The following NLRP5 variants were observed in gnomAD, a reference collection of about 807,000 sequenced individuals.
NLRP5 encodes NACHT, LRR and PYD domains-containing protein 5.
NLRP5 carries 93 observed loss-of-function variants against 113.1 expected under a neutral mutation model. The observed-to-expected ratio is 0.82, with a 90% confidence interval of 0.70 to 0.98. NLRP5 has a LOEUF of 0.98. Among genes scored for constraint, NLRP5 ranks in the 50% least tolerant of loss-of-function variants. The pLI, the probability that NLRP5 is intolerant of heterozygous loss-of-function variation, is 0.00. For synonymous variants in NLRP5, 751 were observed against 600.7 expected (o/e 1.25, Z -3.66); for missense variants, 1,808 against 1,514.3 (o/e 1.19, Z -3.22).
chr19:56,054,163 G>C (rs2123340217), intron 13 of NLRP5, among the ~76,000 whole-genome samples: 1 of 152,320 alleles, frequency 6.6e-6, no homozygotes, highest in African/African-American at 2.4e-5. Context: ...CAGAAAGCAA[G>C]TGATTACCTG....
chr19:56,028,005 G>T lies in NLRP5; in HGVS notation c.1772G>T (p.Cys591Phe). 1 of 1,613,982 alleles carries T rather than the reference G, an allele frequency of 6.2e-7. No individual in the cohort carries two copies. Among genetic ancestry groups the T allele is most frequent in the Non-Finnish European group, 8.5e-7 (1 of 1,179,882 alleles). The stretch of plus-strand genomic sequence containing the variant: ...TTCCACCTCAGTCTCCAGGACTTCT[G>T]TGCCGCCTTGTACTACGTGTTAGAG... Residue 591 changes from cysteine to phenylalanine, a missense_variant, in exon 7 of 15, where the codon TGT becomes TTT. Coordinates refer to ENST00000390649, the MANE Select transcript of NLRP5 (RefSeq NM_153447.4).
At chr19:56,013,596 G>GTTTTTTTTTGTTTTTTTTTTTTTT (rs1555765384) in intron 3 of NLRP5, among the ~76,000 whole-genome samples, 1 of 59,284 alleles carries the variant, frequency 1.7e-5, no homozygotes, top group African/African-American at 8.7e-5. Flanking sequence ...GGACATTTGG[G>GTTTTTTTTTGTTTTTTTTTTTTTT]TTTTTTTTTT....
intron 2 of NLRP5, among the ~76,000 whole-genome samples, chr19:56,007,246 C>G (rs1981957807): frequency 6.6e-6 from 1 of 151,084 alleles, no homozygotes; most frequent in Non-Finnish European, 1.5e-5. Context: ...CACCTGTAAT[C>G]CCAGCTACTA....
chr19:56,027,842 G>C lies in NLRP5; in HGVS notation c.1609G>C (p.Glu537Gln). ...GAAGCGCTTCTGCCGTATGGCTGTG[G>C]AGGGAGTGTGGAATAGGAAGTCAGT... Residue 537 changes from glutamate (E) to glutamine (Q), a missense_variant, in exon 7 of 15, where the codon GAG (glutamate) becomes CAG (glutamine). Transcript: ENST00000390649. 1.2e-6 allele frequency: 2 copies of C among 1,614,004 alleles called. No individual in the cohort carries two copies. Among genetic ancestry groups the C allele is most frequent in the Non-Finnish European group, 1.7e-6 (2 of 1,179,890 alleles).
chr19:56,019,689 T>G (rs1269953181), intron 5 of NLRP5, among the ~76,000 whole-genome samples: 3 of 152,154 alleles, frequency 2.0e-5, no homozygotes, highest in Admixed American at 6.5e-5. Context: ...GTTAAACATA[T>G]GGCCAAGAGT....
In NLRP5 at chr19:56,027,473, A is replaced by G. The variant is rs377300609; in HGVS notation, c.1240A>G (p.Thr414Ala). ...GATCGTCACCGTCAGAGACGTGGGC[A>G]CAGAGAAGCTCAAGTCAGAGGTCGT... The change falls in exon 7 of 15, where the codon ACA (threonine) becomes GCA (alanine). Residue 414 changes from threonine to alanine, a missense_variant. Transcript: ENST00000390649. 3.1e-6 allele frequency: 5 copies of G among 1,613,808 alleles called. No homozygotes were observed. Among genetic ancestry groups the G allele is most frequent in the Non-Finnish European group, 4.2e-6 (5 of 1,179,858 alleles).
chr19:56,019,873 G>A (rs372499345), intron 5 of NLRP5, among the ~76,000 whole-genome samples: 17 of 148,264 alleles, frequency 1.1e-4, no homozygotes, highest in African/African-American at 4.1e-4. Flanking sequence ...GTCTCGCTGT[G>A]TCGCCCAAGC....
chr19:56,055,537 C>CTTTTTTTTTTTTTTTTT (rs1160965587), intron 13 of NLRP5, among the ~76,000 whole-genome samples: 6 of 76,456 alleles, frequency 7.8e-5, no homozygotes, highest in African/African-American at 1.0e-4. Context: ...CTTTCTCTGT[C>CTTTTTTTTTTTTTTTTT]TTTTTTTTTT....
At chr19:56,044,341 G>A (rs1158329730) in intron 11 of NLRP5, among the ~76,000 whole-genome samples, 7 of 152,032 alleles carry the variant, frequency 4.6e-5, no homozygotes, top group African/African-American at 9.7e-5. Flanking sequence ...GGCGTGAGCC[G>A]CCACACCCGG....
chr19:56,040,900 C>T (rs780589590), intron 10 of NLRP5, 22 bp from the exon 11 acceptor site: 13 of 1,609,672 alleles, frequency 8.1e-6, no homozygotes, highest in Admixed American at 3.4e-5. Flanking sequence ...ATCATGTCCT[C>T]TCTGGGGCTC....
rs10409555 is a variant in NLRP5 at position 56,061,466 on chromosome 19, G to A, written c.3541G>A (p.Val1181Ile). The A allele has an allele frequency of 0.28, 453,128 of 1,613,440 alleles. 65,971 individuals carry two copies. Among genetic ancestry groups the A allele is most frequent in the African/African-American group, 0.45 (33,415 of 74,940 alleles). Reference sequence around the variant, plus strand: ...GGAAGTGCAGCTACTCAAGCCCCGAGTCGTAATTGACGGTAGTTGGCATTC... The same window carrying A: ...GGAAGTGCAGCTACTCAAGCCCCGAATCGTAATTGACGGTAGTTGGCATTC... The change falls in exon 15 of 15, where the codon GTC becomes ATC. Residue 1181 changes from valine (V) to isoleucine (I), a missense_variant. By Grantham distance (29) the Val-to-Ile change is conservative. Transcript: ENST00000390649.
chr19:56,055,747 G>T (rs182692578), intron 13 of NLRP5, among the ~76,000 whole-genome samples: 379 of 151,164 alleles, frequency 2.5e-3, no homozygotes, highest in Middle Eastern at 0.01. Context: ...GGGTTTCACC[G>T]TGTTAGCCAG....
chr19:55,988,878 A>G, the NLRP5 span, among the ~76,000 whole-genome samples: 1 of 152,130 alleles, frequency 6.6e-6, no homozygotes, highest in Non-Finnish European at 1.5e-5. Context: ...TTCAATTTCC[A>G]TGTATCCAGG....
chr19:56,005,601 T>A (rs1173817477), intron 2 of NLRP5, among the ~76,000 whole-genome samples: 1 of 145,186 alleles, frequency 6.9e-6, no homozygotes, highest in Non-Finnish European at 1.5e-5. Context: ...GCAGGTGGCA[T>A]GCCTGTACAC....
upstream of NLRP5, among the ~76,000 whole-genome samples, chr19:55,996,738 A>T (rs1474907600): frequency 1.3e-5 from 2 of 152,172 alleles, no homozygotes; most frequent in Admixed American, 1.3e-4. Flanking sequence ...TCTATCACTG[A>T]TGGACATTTG....
the NLRP5 span, among the ~76,000 whole-genome samples, chr19:55,989,338 C>T: frequency 6.6e-6 from 1 of 152,150 alleles, no homozygotes; most frequent in South Asian, 2.1e-4. Flanking sequence ...TCACTGCACC[C>T]TCCGCCTCCC....
Position 56,026,999 on chromosome 19 carries a change from A to G in NLRP5, c.766A>G (p.Thr256Ala). ...GGATGTACGTCGTAGTTTTGAAAAC[A>G]CTGCTGCTGACTGGCCGGAAATGCA... is the stretch of plus-strand genomic sequence containing the variant. The change falls in exon 7 of 15, where the codon ACT (threonine) becomes GCT (alanine). Residue 256 changes from threonine to alanine, a missense_variant. Physicochemically the swap from Thr to Ala is moderately conservative, Grantham distance 58. Transcript: ENST00000390649. 2 of 1,551,802 alleles carry G rather than the reference A, an allele frequency of 1.3e-6. No individual in the cohort carries two copies. The highest frequency in any genetic ancestry group is 1.4e-5 in the African/African-American group (1 of 73,170).
At position 56,007,631 on chromosome 19, in the gene NLRP5, T is replaced by A. The variant is rs1193491505; in HGVS notation, c.443-1157T>A. On this transcript the variant is annotated intron_variant, in intron 2 of 14. Transcript: ENST00000390649. The stretch of plus-strand genomic sequence containing the variant: ...TAACATGGCATCTTGAAAATACTTG[T>A]AATAGCAAGTAGAAGCAATTACATA... Among the ~76,000 whole-genome samples, 3 of 151,126 alleles carry A rather than the reference T, an allele frequency of 2.0e-5. No individual in the cohort carries two copies. The East Asian group carries it at 5.8e-4, about 29-fold the overall frequency.
chr19:55,990,131 C>CAG, the NLRP5 span, among the ~76,000 whole-genome samples: 3 of 126,288 alleles, frequency 2.4e-5, no homozygotes, highest in African/African-American at 9.2e-5. Context: ...ACTCTATGCC[C>CAG]AGGCTGGAGT....
Sources: allele counts gnomAD v4.1 joint callset (sites outside exome capture counted in the v4.1 genomes callset), GRCh38; gene constraint gnomAD v4.1.1; transcripts MANE v1.5; gene names NCBI Gene and HGNC (gene_info 2026-07-23, HGNC 2026-07-21).